IL1RAP: variants seen among roughly 807,000 people sequenced by gnomAD.
IL1RAP encodes the protein interleukin 1 receptor accessory protein.
In IL1RAP, 35 loss-of-function variants were observed where a neutral mutation model predicts 60.7. The ratio of observed to expected loss-of-function variants is 0.58; its 90% CI spans 0.44 to 0.76. The LOEUF (loss-of-function observed/expected upper bound fraction) is 0.76. IL1RAP is among the 30% of genes least tolerant of loss of function. The pLI is 0.00. For missense variants in IL1RAP, 572 were observed against 693.9 expected, an observed-to-expected ratio of 0.82 and a Z score of 1.97; for synonymous variants, 268 against 250.9, an observed-to-expected ratio of 1.07 and a Z score of -0.64.
At chr3:190,652,677 A>G (rs918592310), downstream of IL1RAP, among the ~76,000 whole-genome samples, 9 of 152,204 alleles carry the variant, frequency 5.9e-5, no homozygotes, top group Non-Finnish European at 1.0e-4. Context: ...AATGGAATTC[A>G]CTATCTTTGG....
At chr3:190,582,824 T>A (rs1197005619) in intron 3 of IL1RAP, among the ~76,000 whole-genome samples, 1 of 152,252 alleles carries the variant, frequency 6.6e-6, no homozygotes, top group East Asian at 1.9e-4. Flanking sequence ...TATGCTCTTA[T>A]ATGTTCAAAT....
chr3:190,608,442 T>C (rs150965598), intron 4 of IL1RAP, among the ~76,000 whole-genome samples: 9 of 152,174 alleles, frequency 5.9e-5, no homozygotes, highest in African/African-American at 2.2e-4. Context: ...TTATCATGGA[T>C]AGAGCTTGTA....
At chr3:190,630,282 T>TA (rs1732674660) in intron 9 of IL1RAP, 3 of 822,192 alleles carry the variant, frequency 3.6e-6, no homozygotes, top group Non-Finnish European at 4.4e-6. Flanking sequence ...GTGCTGCTCC[T>TA]AAATCAGACT....
intron 5 of IL1RAP, among the ~76,000 whole-genome samples, chr3:190,616,636 A>C (rs1040396744): frequency 3.9e-5 from 6 of 152,220 alleles, no homozygotes; most frequent in African/African-American, 1.4e-4. Flanking sequence ...TACTACTAAC[A>C]GTTCAAACCT....
intron 3 of IL1RAP, among the ~76,000 whole-genome samples, chr3:190,590,389 G>A (rs570419408): frequency 6.6e-6 from 1 of 152,022 alleles, no homozygotes; most frequent in South Asian, 2.1e-4. Context: ...CCAAGTAGCT[G>A]GGACTACAGG....
intron 7 of IL1RAP, among the ~76,000 whole-genome samples, chr3:190,626,664 C>CTTTTTT (rs766018376): frequency 3.0e-5 from 3 of 99,986 alleles, no homozygotes; most frequent in East Asian, 3.0e-4. Flanking sequence ...TGTCAGAGAC[C>CTTTTTT]TTTTTTTTTT....
At chr3:190,526,987 G>A (rs1279730823) in intron 1 of IL1RAP, among the ~76,000 whole-genome samples, 1 of 152,208 alleles carries the variant, frequency 6.6e-6, no homozygotes, top group African/African-American at 2.4e-5. Context: ...AGCAAAAGGT[G>A]CTGTGTGACC....
chr3:190,610,326 C>G (rs992000386), intron 5 of IL1RAP, among the ~76,000 whole-genome samples: 2 of 151,844 alleles, frequency 1.3e-5, no homozygotes. Flanking sequence ...TAAAATGATA[C>G]AAGCTGTGAA....
intron 1 of IL1RAP, among the ~76,000 whole-genome samples, chr3:190,535,769 A>C (rs1414637176): frequency 6.6e-6 from 1 of 152,120 alleles, no homozygotes; most frequent in Non-Finnish European, 1.5e-5. Flanking sequence ...TTATTTCCAA[A>C]AACCCACTGA....
intron 8 of IL1RAP, among the ~76,000 whole-genome samples, chr3:190,627,956 TCTC>T (rs1048993885): frequency 9.2e-5 from 14 of 152,206 alleles, no homozygotes; most frequent in African/African-American, 2.7e-4. Flanking sequence ...GCATTTTCTC[TCTC>T]CTCCTCTTTC....
intron 1 of IL1RAP, among the ~76,000 whole-genome samples, chr3:190,520,167 A>G (rs1721887410): frequency 6.6e-6 from 1 of 152,150 alleles, no homozygotes; most frequent in Middle Eastern, 3.2e-3. Flanking sequence ...TGAATGTGAT[A>G]TTTACCTTAA....
At position 190,556,184 on chromosome 3, in the gene IL1RAP, C is replaced by T. The variant is rs1289444563; in HGVS notation, c.-34C>T. 6.6e-6 allele frequency: 1 copy of T among 152,068 alleles called. No individual in the cohort carries two copies. Among genetic ancestry groups the T allele is most frequent in the African/African-American group, 2.4e-5 (1 of 41,410 alleles). 9.4% of individuals were successfully genotyped at this position (152,068 alleles called of 1,614,324 possible). ...TAGAACATCAGCAGGCCCTAGAAGC[C>T]TCACTCTTGCCCCTCCCTTTAATAT... On this transcript the variant is annotated 5_prime_UTR_variant, in exon 2 of 12. Coordinates refer to ENST00000447382, the MANE Select transcript of IL1RAP (RefSeq NM_002182.4).
chr3:190,545,242 G>T (rs1234161102), intron 1 of IL1RAP, among the ~76,000 whole-genome samples: 4 of 152,296 alleles, frequency 2.6e-5, no homozygotes, highest in South Asian at 2.1e-4. Flanking sequence ...ACCCTGCAGG[G>T]TTATTGCAGA....
At chr3:190,540,026 G>T (rs1164376094) in intron 1 of IL1RAP, among the ~76,000 whole-genome samples, 1 of 151,986 alleles carries the variant, frequency 6.6e-6, no homozygotes, top group Non-Finnish European at 1.5e-5. Context: ...AAAACATAAT[G>T]CTACTTGTTT....
chr3:190,599,328 G>A (rs1039953849), intron 3 of IL1RAP, among the ~76,000 whole-genome samples: 4 of 152,098 alleles, frequency 2.6e-5, no homozygotes, highest in African/African-American at 9.7e-5. Context: ...GAGTCTTTAC[G>A]TGTCTGCATT....
At chr3:190,521,682 A>C (rs10212109) in intron 1 of IL1RAP, among the ~76,000 whole-genome samples, 53,667 of 151,604 alleles carry the variant, frequency 0.35, 10,588 homozygotes, top group African/African-American at 0.53. Context: ...TCCATAAAGA[A>C]CCCTTTATGT....
chr3:190,548,183 C>T lies in IL1RAP; in HGVS notation c.-88-7947C>T, dbSNP rs7638728. ...ATCTTGATGGCTGTCACAGAACTTA[C>T]GGTGGCATCTGTTTGAACCAACCTT... On this transcript the variant is annotated intron_variant, in intron 1 of 11. Transcript: ENST00000447382. 2.4e-3 allele frequency among the ~76,000 whole-genome samples: 361 copies of T among 152,234 alleles called. 5 individuals carry two copies. The highest frequency in any genetic ancestry group is 8.2e-3 in the African/African-American group (341 of 41,526).
Position 190,629,481 on chromosome 3 carries a change from C to A in IL1RAP, c.1034C>A (p.Ala345Asp). 1 of 1,612,148 alleles carries A rather than the reference C, an allele frequency of 6.2e-7. No homozygotes were observed. Among genetic ancestry groups the A allele is most frequent in the Non-Finnish European group, 8.5e-7 (1 of 1,179,304 alleles). The change falls in exon 9 of 12, where the codon GCC becomes GAC. Residue 345 changes from alanine (A) to aspartate (D), a missense_variant. By Grantham distance (126) the Ala-to-Asp change is moderately radical (BLOSUM62 -2). Coordinates refer to ENST00000447382, the MANE Select transcript of IL1RAP (RefSeq NM_002182.4). ...RSAKGEVAKA[A>D]KVKQKVPAPR... is the part of the protein sequence containing the mutation. ...GCCAAAGGCGAAGTTGCCAAAGCAG[C>A]CAAGGTGAAGCAGAAAGGTAATAGA...
intron 9 of IL1RAP, 152 bp downstream of exon 9, chr3:190,629,650 G>T (rs1732611786): frequency 7.2e-7 from 1 of 1,389,646 alleles, no homozygotes; most frequent in Non-Finnish European, 9.4e-7. Flanking sequence ...TGAAAAATAT[G>T]AAAGTTTTCA....
Sources: allele counts gnomAD v4.1 joint callset (sites outside exome capture counted in the v4.1 genomes callset), GRCh38; gene constraint gnomAD v4.1.1; transcripts MANE v1.5; gene names NCBI Gene and HGNC (gene_info 2026-07-23, HGNC 2026-07-21).